The following CACNA1H variants were observed in gnomAD, a reference collection of about 807,000 sequenced individuals.
The protein encoded by CACNA1H is calcium voltage-gated channel subunit alpha1 H.
In CACNA1H, 149 loss-of-function variants were observed where a neutral mutation model predicts 192.5. That is an observed-to-expected ratio of 0.77 (90% CI 0.68 to 0.89). CACNA1H has a LOEUF of 0.89. CACNA1H is among the 40% of genes least tolerant of loss of function. The pLI is 0.00. For synonymous variants in CACNA1H, 2,202 were observed against 1,475.2 expected (o/e 1.49, Z -11.29); for missense variants, 4,257 against 3,423.5 (o/e 1.24, Z -6.08).
chr16:1,193,514 C>G (rs1399064907), intron 2 of CACNA1H, among the ~76,000 whole-genome samples: 1 of 152,276 alleles, frequency 6.6e-6, no homozygotes, highest in African/African-American at 2.4e-5. Flanking sequence ...GCTGGGGTCG[C>G]AGTGGGTGCG....
intron 6 of CACNA1H, among the ~76,000 whole-genome samples, chr16:1,199,216 GCCCC>G (rs1967425919): frequency 3.5e-4 from 10 of 28,634 alleles, no homozygotes; most frequent in Non-Finnish European, 4.3e-4. Flanking sequence ...CTGCACATAT[GCCCC>G]ACCCCCATCA....
chr16:1,158,572 G>T (rs1039784471), intron 2 of CACNA1H, among the ~76,000 whole-genome samples: 1 of 152,208 alleles, frequency 6.6e-6, no homozygotes, highest in Non-Finnish European at 1.5e-5. Context: ...GACGCCAGCA[G>T]GCTGAGCTCA....
chr16:1,213,556 G>A (rs1448347246), intron 26 of CACNA1H, among the ~76,000 whole-genome samples: 2 of 152,042 alleles, frequency 1.3e-5, no homozygotes, highest in Admixed American at 6.5e-5. Flanking sequence ...AGCTCCCCAG[G>A]GAGCTGCATC....
At chr16:1,154,946 C>T (rs1176907537) in intron 2 of CACNA1H, among the ~76,000 whole-genome samples, 1 of 152,170 alleles carries the variant, frequency 6.6e-6, no homozygotes, top group Admixed American at 6.5e-5. Context: ...CCTTCTGAGC[C>T]GGCAGCTGGG....
chr16:1,154,183 G>A, intron 2 of CACNA1H, 147 bp downstream of exon 2: 1 of 512,820 alleles, frequency 1.9e-6, no homozygotes, highest in Non-Finnish European at 3.0e-6. Flanking sequence ...GCAGGGCAGG[G>A]GCTGGAGGAC....
intron 2 of CACNA1H, among the ~76,000 whole-genome samples, chr16:1,185,191 T>G (rs1279915221): frequency 6.6e-6 from 1 of 152,184 alleles, no homozygotes; most frequent in African/African-American, 2.4e-5. Context: ...CTTTCTTCCT[T>G]TTCATGGCTG....
At chr16:1,165,626 C>T (rs766856132) in intron 2 of CACNA1H, among the ~76,000 whole-genome samples, 44 of 152,264 alleles carry the variant, frequency 2.9e-4, no homozygotes, top group South Asian at 6.2e-4. Flanking sequence ...CCCTTTTCCC[C>T]GCCAGGCACA....
rs1478345956 is a variant in CACNA1H at position 1,202,333 on chromosome 16, C to G, written c.1883C>G (p.Thr628Ser). The G allele has an allele frequency of 5.1e-6, 8 of 1,577,498 alleles. No individual in the cohort carries two copies. In the South Asian group the frequency reaches 9.3e-5, roughly 18 times the overall value. ...PSGVGSGKGS[T>S]SPGPKGKWAG... The stretch of plus-strand genomic sequence containing the variant: ...GGGGTGGGCAGCGGCAAAGGCAGCA[C>G]CAGCCCCGGACCCAAGGGGAAGTGG... The change falls in exon 9 of 35, where the codon ACC (threonine) becomes AGC (serine). Residue 628 changes from threonine to serine, a missense_variant. Physicochemically the swap from Thr to Ser is moderately conservative, Grantham distance 58. Transcript: ENST00000348261.
Position 1,209,122 on chromosome 16 carries a change from C to T in CACNA1H, c.3454C>T (p.Pro1152Ser). The change falls in exon 17 of 35, where the codon CCC (proline) becomes TCC (serine). Residue 1152 changes from proline to serine, a missense_variant. Transcript: ENST00000348261. The part of the protein sequence containing the change: ...RSSWSSLGRA[P>S]SLKRRGQCGE... ...CAGCTGGAGCAGCCTGGGCCGTGCC[C>T]CCAGCCTCAAGCGCCGCGGCCAGTG... The T allele has an allele frequency of 3.2e-6, 5 of 1,555,632 alleles. No homozygotes were observed. The highest frequency in any genetic ancestry group is 3.5e-6 in the Non-Finnish European group (4 of 1,151,312).
rs532728575 is a variant in CACNA1H, at chr16:1,167,260, C to T, written c.299+13224C>T. 3.9e-5 allele frequency among the ~76,000 whole-genome samples: 6 copies of T among 152,262 alleles called. No homozygotes were observed. Among genetic ancestry groups the T allele is most frequent in the Admixed American group, 2.0e-4 (3 of 15,294 alleles). On this transcript the variant is annotated intron_variant, in intron 2 of 34. Transcript: ENST00000348261. This position sits in a 1 kb window ranked among gnomAD's most constrained non-coding sequence, Gnocchi z 4.2. ...GGGTATGGGCCTCCTGTCAGCAGCC[C>T]GTCCCGGTGGGTGGGGCTTGCCGGC...
intron 16 of CACNA1H, 76 bp from the exon 17 acceptor site, chr16:1,208,956 C>T: frequency 2.2e-6 from 3 of 1,343,418 alleles, no homozygotes; most frequent in African/African-American, 1.5e-5. Context: ...GGCTTGCACA[C>T]AGTGGGTGCT....
intron 9 of CACNA1H, among the ~76,000 whole-genome samples, chr16:1,203,368 TGTGGCTGCTGGGAA>T (rs905308508): frequency 6.6e-6 from 1 of 151,888 alleles, no homozygotes; most frequent in African/African-American, 2.4e-5. Context: ...GCCTGTGTGC[TGTGGCTGCTGGGAA>T]GTGGCTGCTG....
chr16:1,208,522 G>GAC (rs930462872), intron 16 of CACNA1H, among the ~76,000 whole-genome samples: 8 of 152,360 alleles, frequency 5.3e-5, no homozygotes, highest in African/African-American at 1.9e-4. Context: ...CCGGCAAGCA[G>GAC]ACGGCAGGCC....
intron 2 of CACNA1H, among the ~76,000 whole-genome samples, chr16:1,169,466 G>A (rs370022901): frequency 2.6e-5 from 4 of 152,188 alleles, no homozygotes; most frequent in Non-Finnish European, 4.4e-5. Flanking sequence ...CGGCCCCCGC[G>A]ACGTTCCCCC....
rs1567465258 is a variant in CACNA1H at position 1,179,947 on chromosome 16, GGC to G, written c.300-15024_300-15023del. ...AGACGGGGTTTCACCATCTTGGCCA[GGC>G]TGGTGTTGAACTCCTGACCTCATGA... On this transcript the variant is annotated intron_variant, in intron 2 of 34. Transcript: ENST00000348261. Among the ~76,000 whole-genome samples the G allele has an allele frequency of 3.3e-5, 5 of 151,990 alleles. No individual in the cohort carries two copies. The East Asian group carries it at 9.7e-4, about 30-fold the overall frequency.
In CACNA1H at chr16:1,213,810, A is replaced by G. The variant is rs1167353218; in HGVS notation, c.4808A>G (p.Tyr1603Cys). ...EAQRRPYYAD[Y>C]SPTRRSIHSL... is the part of the protein sequence containing the mutation. ...CAGCGCCGGCCCTACTATGCCGACT[A>G]CTCGCCCACGCGCCGCTCCATTCAC... The change falls in exon 27 of 35, where the codon TAC (tyrosine) becomes TGC (cysteine). Residue 1603 changes from tyrosine (Y) to cysteine (C), a missense_variant. Transcript: ENST00000348261. 3 of 1,576,424 alleles carry G rather than the reference A, an allele frequency of 1.9e-6. No individual in the cohort carries two copies. The highest frequency in any genetic ancestry group is 2.3e-5 in the East Asian group (1 of 43,038).
At chr16:1,171,226 C>T (rs1964337889) in intron 2 of CACNA1H, among the ~76,000 whole-genome samples, 1 of 151,884 alleles carries the variant, frequency 6.6e-6, no homozygotes, top group South Asian at 2.1e-4. Context: ...CCAGGATCAC[C>T]TCCTCGTGGG....
chr16:1,204,169 ACTCAGATGGCCGTGGCGT>A lies in CACNA1H; in HGVS notation c.2165_2182del (p.Ser722_Val727del). On this transcript the variant is annotated inframe_deletion, in exon 10 of 35. Coordinates refer to ENST00000348261, the MANE Select transcript of CACNA1H (RefSeq NM_021098.3). ...GAGCTCAGCGGCTCGGAAAGTGGAG[ACTCAGATGGCCGTGGCGT>A]CTATGAATTCACGCAGGACGTCCGG... The A allele has an allele frequency of 1.9e-6, 3 of 1,612,216 alleles. No homozygotes were observed. Among genetic ancestry groups the A allele is most frequent in the Non-Finnish European group, 1.7e-6 (2 of 1,179,680 alleles).
rs375198937 is a variant in CACNA1H at position 1,216,032 on chromosome 16, C to T, written c.5244+439C>T. 4.7e-4 allele frequency among the ~76,000 whole-genome samples: 72 copies of T among 152,148 alleles called. No homozygotes were observed. In the East Asian group the frequency reaches 7.0e-3, roughly 15 times the overall value. On this transcript the variant is annotated intron_variant, in intron 30 of 34. Transcript: ENST00000348261. Reference sequence around the variant, plus strand: ...TGGCCCCTGCCCAGATCCTTTCTGTCCTCCAAGGCCAAGAGACCCAACACG... The same window carrying T: ...TGGCCCCTGCCCAGATCCTTTCTGTTCTCCAAGGCCAAGAGACCCAACACG...
Sources: allele counts gnomAD v4.1 joint callset (sites outside exome capture counted in the v4.1 genomes callset), GRCh38; gene constraint gnomAD v4.1.1; non-coding constraint Gnocchi (gnomAD v3.1); transcripts MANE v1.5; gene names NCBI Gene and HGNC (gene_info 2026-07-23, HGNC 2026-07-21).